ATP11B: variants seen among roughly 807,000 people sequenced by gnomAD.
ATP11B encodes ATPase phospholipid transporting 11B (putative).
Under a neutral mutation model 157.8 loss-of-function variants are expected in ATP11B, and 81 were observed. The ratio of observed to expected loss-of-function variants is 0.51; its 90% CI spans 0.43 to 0.62. The LOEUF is 0.62. Ranked by LOEUF, ATP11B falls within the 20% of genes least tolerant of loss-of-function variation. The pLI is 0.00. For missense variants in ATP11B, 1,165 were observed against 1,402.2 expected, an observed-to-expected ratio of 0.83 and a Z score of 2.70; for synonymous variants, 451 against 469.4, an observed-to-expected ratio of 0.96 and a Z score of 0.51.
At chr3:182,831,237 A>G (rs1560070887) in intron 4 of ATP11B, among the ~76,000 whole-genome samples, 1 of 152,132 alleles carries the variant, frequency 6.6e-6, no homozygotes, top group East Asian at 1.9e-4. Context: ...AAATGGCACT[A>G]CCATCCAACC....
chr3:182,920,185 G>T lies in ATP11B; in HGVS notation c.*2081G>T, dbSNP rs949690157. On this transcript the variant is annotated 3_prime_UTR_variant, in exon 30 of 30. Transcript: ENST00000323116. The stretch of plus-strand genomic sequence containing the variant: ...CTGCAGCAAGACAGGAGGTCAGCTC[G>T]CCTATAATGGTGCTTAAAGTGTGAT... 6.6e-6 allele frequency: 1 copy of T among 152,126 alleles called. No homozygotes were observed. Among genetic ancestry groups the T allele is most frequent in the Admixed American group, 6.5e-5 (1 of 15,280 alleles). 9.4% of individuals were successfully genotyped at this position (152,126 alleles called of 1,614,324 possible).
In ATP11B at chr3:182,793,685, C is replaced by G. The variant is rs1366905148; in HGVS notation, c.-75C>G. 1 of 1,057,166 alleles carries G rather than the reference C, an allele frequency of 9.5e-7. No individual in the cohort carries two copies. Among genetic ancestry groups the G allele is most frequent in the Non-Finnish European group, 1.3e-6 (1 of 763,700 alleles). 65.5% of individuals were successfully genotyped at this position (1,057,166 alleles called of 1,614,324 possible). A position where few individuals can be genotyped will look rare whatever the true frequency, so the allele number is the denominator to read the frequency against. On this transcript the variant is annotated 5_prime_UTR_variant, in exon 1 of 30. Transcript: ENST00000323116. The stretch of plus-strand genomic sequence containing the variant: ...GCCCGAGGGGCTCGCCCGCTCCCGC[C>G]TCTGTCTTGTCGGCCTCCACCTGCA...
intron 1 of ATP11B, among the ~76,000 whole-genome samples, chr3:182,817,711 A>G (rs1717053274): frequency 6.6e-6 from 1 of 152,204 alleles, no homozygotes; most frequent in South Asian, 2.1e-4. Flanking sequence ...TGCTTCATGT[A>G]AAGTATGTGC....
chr3:182,805,595 T>C (rs919890120), intron 1 of ATP11B, among the ~76,000 whole-genome samples: 7 of 151,536 alleles, frequency 4.6e-5, no homozygotes, highest in African/African-American at 1.7e-4. Context: ...GCTGGTATTA[T>C]AGGCGCGTGC....
chr3:182,828,802 A>G (rs1272516661), intron 3 of ATP11B, among the ~76,000 whole-genome samples: 5 of 151,910 alleles, frequency 3.3e-5, no homozygotes, highest in Non-Finnish European at 7.4e-5. Context: ...TATAAAATCA[A>G]GAGAACTTGA....
At position 182,884,895 on chromosome 3, in the gene ATP11B, T is replaced by A; in HGVS notation, c.2652T>A (p.Tyr884Ter). 7.1e-7 allele frequency: 1 copy of A among 1,401,664 alleles called. No individual in the cohort carries two copies. Among genetic ancestry groups the A allele is most frequent in the Non-Finnish European group, 9.7e-7 (1 of 1,025,866 alleles). The allele number at this position is 1,401,664 out of a possible 1,614,324, so 86.8% of individuals were successfully genotyped here. ...CTACCCTTGTACAGTATTTTTTTTATAAGGTGAGTTTCATGTATTTAGAAT... is the reference window on the plus strand; with the variant it reads ...CTACCCTTGTACAGTATTTTTTTTAAAAGGTGAGTTTCATGTATTTAGAAT... ...RIATLVQYFF[Y>*]KNVCFITPQF... Residue 884 changes from tyrosine to a stop codon, truncating the protein, a stop_gained, in exon 22 of 30, where the codon TAT becomes TAA. Transcript: ENST00000323116. LOFTEE classifies it high-confidence loss of function.
intron 19 of ATP11B, among the ~76,000 whole-genome samples, chr3:182,874,568 G>A (rs1721896671): frequency 1.3e-5 from 2 of 152,100 alleles, no homozygotes; most frequent in Admixed American, 6.5e-5. Context: ...GCAAAGCATT[G>A]TTTATTATGC....
chr3:182,873,880 C>T lies in ATP11B; in HGVS notation c.2117C>T (p.Thr706Ile). ...GCTGGTATCAAAGTATGGGTACTTA[C>T]TGGGGATAAACATGAAACAGCTGTT... ...RMAGIKVWVL[T>I]GDKHETAVSV... Residue 706 changes from threonine (T) to isoleucine (I), a missense_variant, in exon 19 of 30, where the codon ACT becomes ATT. Coordinates refer to ENST00000323116, the MANE Select transcript of ATP11B (RefSeq NM_014616.3). 3 of 1,614,076 alleles carry T rather than the reference C, an allele frequency of 1.9e-6. No homozygotes were observed. The highest frequency in any genetic ancestry group is 2.5e-6 in the Non-Finnish European group (3 of 1,179,988).
At chr3:182,892,150 T>C (rs1490368684) in intron 25 of ATP11B, among the ~76,000 whole-genome samples, 2 of 152,184 alleles carry the variant, frequency 1.3e-5, no homozygotes, top group African/African-American at 2.4e-5. Context: ...TCTCTAATTC[T>C]AAAACATTGC....
intron 28 of ATP11B, among the ~76,000 whole-genome samples, chr3:182,913,413 A>T (rs1724931075): frequency 6.6e-6 from 1 of 152,156 alleles, no homozygotes; most frequent in African/African-American, 2.4e-5. Flanking sequence ...CTTAAAGATA[A>T]TTCATACTCC....
chr3:182,811,200 A>G (rs78461604), intron 1 of ATP11B, among the ~76,000 whole-genome samples: 193 of 152,338 alleles, frequency 1.3e-3, no homozygotes, highest in African/African-American at 4.6e-3. Context: ...TTTCTGAAAT[A>G]GTAAACAGCA....
chr3:182,879,566 G>A lies in ATP11B; in HGVS notation c.2323G>A (p.Glu775Lys), dbSNP rs746993085. ...GACCAGCCTATCTCTTGCACTCAGG[G>A]AGCATGAAAAACTATTTATGGAAGT... ...DGTSLSLALR[E>K]HEKLFMEVCR... Residue 775 changes from glutamate (E) to lysine (K), a missense_variant, in exon 20 of 30, where the codon GAG becomes AAG. Glu to Lys is a moderately conservative substitution (Grantham distance 56, BLOSUM62 1). Around this residue, in one of 4 missense-constraint regions of ATP11B, gnomAD observed 737 missense variants for 930.5 expected, o/e 0.79. Coordinates refer to ENST00000323116, the MANE Select transcript of ATP11B (RefSeq NM_014616.3). The A allele has an allele frequency of 1.9e-6, 3 of 1,614,100 alleles. No homozygotes were observed. The highest frequency in any genetic ancestry group is 3.3e-5 in the Admixed American group (2 of 60,014).
intron 1 of ATP11B, among the ~76,000 whole-genome samples, chr3:182,815,409 G>A (rs561157229): frequency 1.3e-5 from 2 of 152,196 alleles, no homozygotes; most frequent in African/African-American, 4.8e-5. Context: ...TTATGTCTAG[G>A]AAATAGTAAT....
chr3:182,915,140 T>G (rs1016612548), intron 29 of ATP11B: 1 of 985,288 alleles, frequency 1.0e-6, no homozygotes, highest in Admixed American at 6.2e-5. Flanking sequence ...ATTCATCTGT[T>G]ATAAAATTCA....
intron 10 of ATP11B, among the ~76,000 whole-genome samples, chr3:182,854,632 A>G (rs1010471486): frequency 2.0e-5 from 3 of 152,216 alleles, no homozygotes; most frequent in Non-Finnish European, 2.9e-5. Flanking sequence ...ACTTCTGCTC[A>G]TCAGGCTAAA....
intron 10 of ATP11B, among the ~76,000 whole-genome samples, chr3:182,854,796 CA>C (rs1720251272): frequency 7.1e-6 from 1 of 140,206 alleles, no homozygotes; most frequent in Non-Finnish European, 1.6e-5. Flanking sequence ...CACACACACA[CA>C]CACCTGCCTA....
intron 10 of ATP11B, among the ~76,000 whole-genome samples, chr3:182,852,441 A>G (rs1009227553): frequency 8.5e-5 from 13 of 152,254 alleles, no homozygotes; most frequent in African/African-American, 2.7e-4. Context: ...ATAAGGAACT[A>G]CTGTGAACAA....
rs755297891 is a variant in ATP11B, at chr3:182,859,262, G to A, written c.1103G>A (p.Gly368Glu). ...YVTVEMQKFL[G>E]SFFIGWDLDL... ...ACAGTCGAAATGCAGAAATTTCTTG[G>A]ATCATTTTTTATTGGCTGGGATCTT... The change falls in exon 12 of 30, where the codon GGA (glycine) becomes GAA (glutamate). Residue 368 changes from glycine to glutamate, a missense_variant. By Grantham distance (98) the Gly-to-Glu change is moderately conservative. Coordinates refer to ENST00000323116, the MANE Select transcript of ATP11B (RefSeq NM_014616.3). 1.2e-6 allele frequency: 2 copies of A among 1,612,114 alleles called. No individual in the cohort carries two copies. The highest frequency in any genetic ancestry group is 3.3e-5 in the Admixed American group (2 of 59,880).
intron 7 of ATP11B, among the ~76,000 whole-genome samples, chr3:182,841,265 A>G (rs1466842103): frequency 6.6e-6 from 1 of 152,166 alleles, no homozygotes; most frequent in Non-Finnish European, 1.5e-5. Context: ...TTTCTAGTAT[A>G]CTGTGTAATT....
Sources: gnomAD v4.1 joint callset for allele counts (sites outside exome capture counted in the v4.1 genomes callset) on GRCh38, gnomAD v4.1.1 for gene constraint, gnomAD v4.1.1 regional missense constraint, MANE v1.5 for transcripts, NCBI Gene and HGNC (gene_info 2026-07-23, HGNC 2026-07-21) for gene names.